OR2AT4: variants seen among roughly 807,000 people sequenced by gnomAD.
OR2AT4 encodes olfactory receptor family 2 subfamily AT member 4.
Under a neutral mutation model 10.3 loss-of-function variants are expected in OR2AT4, and 6 were observed. The observed-to-expected ratio is 0.58, with a 90% CI of 0.32 to 1.15. The LOEUF is 1.15. Among genes scored for constraint, OR2AT4 ranks in the 50% most tolerant of loss-of-function variants. The pLI is 0.05. For synonymous variants in OR2AT4, 145 were observed against 159.1 expected (o/e 0.91, Z 0.67); for missense variants, 354 against 393.8 (o/e 0.90, Z 0.85).
intron 1 of OR2AT4, among the ~76,000 whole-genome samples, chr11:75,093,188 A>C (rs1010303176): frequency 1.3e-5 from 2 of 152,240 alleles, no homozygotes; most frequent in African/African-American, 4.8e-5. Context: ...TCCAGGTTGG[A>C]ATCTAAGTTA....
intron 1 of OR2AT4, among the ~76,000 whole-genome samples, chr11:75,093,420 G>A (rs778823752): frequency 3.4e-4 from 52 of 152,224 alleles, no homozygotes; most frequent in Non-Finnish European, 7.3e-5. Flanking sequence ...AGAACAAGTC[G>A]TCTTGTGACA....
chr11:75,089,818 A>G (rs1396962381), exon 2 of OR2AT4: 4 of 1,150,746 alleles, frequency 3.5e-6, no homozygotes, highest in Non-Finnish European at 5.0e-6. Flanking sequence ...ATAATGCTAT[A>G]ATGTTTACTC....
exon 2 of OR2AT4, chr11:75,082,742 A>G: frequency 6.6e-6 from 1 of 152,216 alleles, no homozygotes; most frequent in East Asian, 1.9e-4. Context: ...GCACAGCGAA[A>G]GAAACTATCA....
At chr11:75,081,769 C>T (rs575605386) in exon 2 of OR2AT4, 16 of 152,066 alleles carry the variant, frequency 1.1e-4, no homozygotes, top group African/African-American at 3.9e-4. Context: ...TACACAATCC[C>T]ATTTATAATA....
chr11:75,093,810 C>CTT (rs556380402), intron 1 of OR2AT4, among the ~76,000 whole-genome samples: 9 of 61,804 alleles, frequency 1.5e-4, no homozygotes, highest in African/African-American at 3.5e-4. Context: ...TTTTCTTTTT[C>CTT]TTTTTTTTTT....
intron 1 of OR2AT4, among the ~76,000 whole-genome samples, chr11:75,092,575 T>G (rs1370115502): frequency 6.6e-6 from 1 of 152,184 alleles, no homozygotes; most frequent in African/African-American, 2.4e-5. Context: ...CAATAAATTC[T>G]GCTACCCCCA....
At chr11:75,089,161 C>T in exon 2 of OR2AT4, 1 of 1,614,158 alleles carries the variant, frequency 6.2e-7, no homozygotes, top group Non-Finnish European at 8.5e-7. Context: ...GCCAGATGAT[C>T]ACAGAAGCAG....
exon 2 of OR2AT4, chr11:75,089,293 T>A: frequency 6.2e-7 from 1 of 1,614,110 alleles, no homozygotes; most frequent in Non-Finnish European, 8.5e-7. Context: ...TGTGGGTTCA[T>A]GAGGACAGGG....
Position 75,088,687 on chromosome 11 carries a change from T to C in OR2AT4, c.*64A>G, listed in dbSNP as rs949343428. On this transcript the variant is annotated 3_prime_UTR_variant, in exon 2 of 2. Coordinates refer to ENST00000641504, the Ensembl canonical transcript of OR2AT4. ...CATTATTTCATTATCATGTATTGAGTCCTTTCTCTGTGCTAAGCACTGTTA... is the reference window on the plus strand; with the variant it reads ...CATTATTTCATTATCATGTATTGAGCCCTTTCTCTGTGCTAAGCACTGTTA... 1.4e-5 allele frequency: 20 copies of C among 1,425,986 alleles called. No homozygotes were observed. The African/African-American group carries it at 2.8e-4, about 20-fold the overall frequency. The allele number at this position is 1,425,986 out of a possible 1,614,324, so 88.3% of individuals were successfully genotyped here. A position where few individuals can be genotyped will look rare whatever the true frequency, so the allele number is the denominator to read the frequency against.
chr11:75,093,792 TTTTTTCTTTTTCTTTTTC>T (rs1395537183), intron 1 of OR2AT4, among the ~76,000 whole-genome samples: 3 of 125,532 alleles, frequency 2.4e-5, no homozygotes, highest in Admixed American at 8.9e-5. Flanking sequence ...CTCTTTTCTT[TTTTTTCTTTTTCTTTTTC>T]TTTTTTTTTT....
chr11:75,089,527 G>C (rs1174026146), exon 2 of OR2AT4: 1 of 1,614,002 alleles, frequency 6.2e-7, no homozygotes, highest in African/African-American at 1.3e-5. Context: ...AAGTACATGG[G>C]CTTGTGGAGG....
rs116793150 is a variant in OR2AT4 at position 75,095,270 on chromosome 11, A to C, written c.-652+1558T>G. On this transcript the variant is annotated intron_variant, in intron 1 of 1. Coordinates refer to ENST00000641504, the Ensembl canonical transcript of OR2AT4. ...AGGATGATTCCTTAGCCTGCTATTC[A>C]AAGCCTGTCTTCTTGCAGCCTTGTT... 1.9e-3 allele frequency among the ~76,000 whole-genome samples: 288 copies of C among 152,338 alleles called. 1 individual carries two copies. Among genetic ancestry groups the C allele is most frequent in the African/African-American group, 6.5e-3 (272 of 41,578 alleles).
At chr11:75,093,290 T>C (rs1043872899) in intron 1 of OR2AT4, among the ~76,000 whole-genome samples, 8 of 152,340 alleles carry the variant, frequency 5.3e-5, no homozygotes, top group African/African-American at 1.9e-4. Flanking sequence ...GCTACGCTGT[T>C]CAGCAGGTGT....
exon 2 of OR2AT4, chr11:75,086,650 A>G (rs1297566951): frequency 6.6e-6 from 1 of 152,192 alleles, no homozygotes; most frequent in Non-Finnish European, 1.5e-5. Context: ...ATACCACTAC[A>G]TACCTGTTAG....
At chr11:75,084,337 CT>C (rs1258052253) in exon 2 of OR2AT4, 1 of 152,118 alleles carries the variant, frequency 6.6e-6, no homozygotes, top group Non-Finnish European at 1.5e-5. Flanking sequence ...TGTGTACCCC[CT>C]GAATCTAAAA....
intron 1 of OR2AT4, among the ~76,000 whole-genome samples, chr11:75,091,903 G>T (rs749450919): frequency 2.0e-5 from 3 of 151,938 alleles, no homozygotes; most frequent in Non-Finnish European, 4.4e-5. Context: ...ATTTTACTTC[G>T]CTCAAAAAAG....
At chr11:75,082,070 C>T (rs945012943) in exon 2 of OR2AT4, 2 of 152,028 alleles carry the variant, frequency 1.3e-5, no homozygotes, top group African/African-American at 2.4e-5. Flanking sequence ...CCCAAATAGC[C>T]AAAGCAATCC....
chr11:75,088,698 T>C, exon 2 of OR2AT4: 1 of 1,499,192 alleles, frequency 6.7e-7, no homozygotes. Context: ...CCTTTCTCTG[T>C]GCTAAGCACT....
intron 1 of OR2AT4, among the ~76,000 whole-genome samples, chr11:75,094,230 C>T (rs181346545): frequency 6.7e-4 from 102 of 151,986 alleles, no homozygotes; most frequent in African/African-American, 2.4e-3. Flanking sequence ...CAGGCTCTAA[C>T]CCCCAGAGCA....
Sources: gnomAD v4.1 joint callset for allele counts (sites outside exome capture counted in the v4.1 genomes callset) on GRCh38, gnomAD v4.1.1 for gene constraint, MANE v1.5 for transcripts, NCBI Gene and HGNC (gene_info 2026-07-23, HGNC 2026-07-21) for gene names.